The following SLC12A2 variants were observed in gnomAD, a reference collection of about 807,000 sequenced individuals.
SLC12A2 encodes the protein solute carrier family 12 member 2.
In SLC12A2, 67 loss-of-function variants were observed where a neutral mutation model predicts 136.3. The ratio of observed to expected loss-of-function variants is 0.49; its 90% CI spans 0.40 to 0.60. SLC12A2 has a LOEUF of 0.60. SLC12A2 is among the 20% of genes least tolerant of loss of function. SLC12A2 has a pLI of 0.00. For synonymous variants in SLC12A2, 619 were observed against 562.9 expected (o/e 1.10, Z -1.41); for missense variants, 1,322 against 1,534.7 (o/e 0.86, Z 2.32).
At chr5:128,104,500 C>T (rs1378091839) in intron 1 of SLC12A2, among the ~76,000 whole-genome samples, 1 of 151,938 alleles carries the variant, frequency 6.6e-6, no homozygotes, top group East Asian at 1.9e-4. Flanking sequence ...GACGTGGTGG[C>T]AGGCACCTGT....
At chr5:128,119,158 G>T (rs916986032) in intron 4 of SLC12A2, among the ~76,000 whole-genome samples, 4 of 152,056 alleles carry the variant, frequency 2.6e-5, no homozygotes, top group Non-Finnish European at 5.9e-5. Context: ...TACTTAGAGA[G>T]GACGGTAATA....
At chr5:128,124,172 A>G (rs954719154) in intron 4 of SLC12A2, among the ~76,000 whole-genome samples, 5 of 152,212 alleles carry the variant, frequency 3.3e-5, no homozygotes, top group African/African-American at 1.2e-4. Flanking sequence ...AGTTCTGCAC[A>G]TTAGGTAATA....
At chr5:128,156,961 T>A (rs1762888915) in intron 15 of SLC12A2, among the ~76,000 whole-genome samples, 1 of 152,128 alleles carries the variant, frequency 6.6e-6, no homozygotes. Flanking sequence ...AAGGAGTTAA[T>A]GTAACTTGCT....
At chr5:128,128,587 A>G (rs897888719) in intron 4 of SLC12A2, among the ~76,000 whole-genome samples, 2 of 151,996 alleles carry the variant, frequency 1.3e-5, no homozygotes, top group African/African-American at 4.8e-5. Context: ...AGTCAAGGAG[A>G]CCTGAGTTTA....
At chr5:128,144,305 C>T (rs565185211) in intron 10 of SLC12A2, among the ~76,000 whole-genome samples, 45 of 152,152 alleles carry the variant, frequency 3.0e-4, no homozygotes, top group African/African-American at 7.9e-4. Flanking sequence ...CTTTGTAAAG[C>T]GATACAACAT....
chr5:128,112,923 A>G lies in SLC12A2; in HGVS notation c.866A>G (p.Lys289Arg), dbSNP rs982359498. 2 of 1,610,084 alleles carry G rather than the reference A, an allele frequency of 1.2e-6. No homozygotes were observed. Among genetic ancestry groups the G allele is most frequent in the African/African-American group, 2.7e-5 (2 of 74,796 alleles). The change falls in exon 2 of 27, where the codon AAG (lysine) becomes AGG (arginine). Residue 289 changes from lysine to arginine, a missense_variant. Coordinates refer to ENST00000262461, the MANE Select transcript of SLC12A2 (RefSeq NM_001046.3). ...SKGVVKFGWI[K>R]GVLVRCMLNI... ...GGAGTCGTGAAGTTTGGCTGGATCA[A>G]GGGTGTATTAGTATGTATATATAGA...
Position 128,174,631 on chromosome 5 carries a change from C to A in SLC12A2, c.2894C>A (p.Ser965Tyr), listed in dbSNP as rs529490835. ...EYSKKSDLDTSKPLSEKPITH... is the reference protein window; with the variant it reads ...EYSKKSDLDTYKPLSEKPITH... ...AGTAAAAAGTCCGATTTAGATACTT[C>A]CAAACCACTCAGTGAAAAACCAATT... is the stretch of plus-strand genomic sequence containing the variant. Residue 965 changes from serine to tyrosine, a missense_variant, in exon 20 of 27, where the codon TCC becomes TAC. Ser to Tyr is a moderately radical substitution (Grantham distance 144). Around this residue, in one of 8 missense-constraint regions of SLC12A2, gnomAD observed 226 missense variants for 210.4 expected, o/e 1.07. Coordinates refer to ENST00000262461, the MANE Select transcript of SLC12A2 (RefSeq NM_001046.3). 3.5e-5 allele frequency: 56 copies of A among 1,605,732 alleles called. No homozygotes were observed. The South Asian group carries it at 6.1e-4, about 17-fold the overall frequency.
chr5:128,134,638 G>A (rs1353596913), intron 6 of SLC12A2, among the ~76,000 whole-genome samples: 2 of 152,052 alleles, frequency 1.3e-5, no homozygotes, highest in South Asian at 2.1e-4. Flanking sequence ...GTAAATAAAA[G>A]TTATTGCCCA....
intron 21 of SLC12A2, 123 bp from the exon 22 acceptor site, chr5:128,178,444 A>C: frequency 1.7e-6 from 1 of 581,154 alleles, no homozygotes; most frequent in Non-Finnish European, 2.8e-6. Context: ...GCCGTATACA[A>C]TTGTCTGAAT....
intron 9 of SLC12A2, 114 bp downstream of exon 9, chr5:128,139,022 A>G: frequency 2.7e-6 from 2 of 739,252 alleles, no homozygotes; most frequent in African/African-American, 1.8e-5. Flanking sequence ...ATTTCAATAA[A>G]AAGACATGGA....
chr5:128,126,541 A>G (rs1378718563), intron 4 of SLC12A2, among the ~76,000 whole-genome samples: 3 of 152,182 alleles, frequency 2.0e-5, no homozygotes, highest in African/African-American at 7.2e-5. Context: ...AAAAGAAAGG[A>G]AATCAGTATA....
intron 19 of SLC12A2, among the ~76,000 whole-genome samples, chr5:128,173,005 A>G (rs1763428950): frequency 6.6e-6 from 1 of 152,078 alleles, no homozygotes; most frequent in Non-Finnish European, 1.5e-5. Flanking sequence ...GAAGATTTTT[A>G]TATCCTTTGA....
At chr5:128,126,071 C>G (rs969638450) in intron 4 of SLC12A2, among the ~76,000 whole-genome samples, 1 of 152,116 alleles carries the variant, frequency 6.6e-6, no homozygotes, top group Non-Finnish European at 1.5e-5. Flanking sequence ...ACAGTAAGTC[C>G]TAAGTCTTCT....
chr5:128,167,934 A>G, intron 18 of SLC12A2, 67 bp downstream of exon 18: 1 of 896,914 alleles, frequency 1.1e-6, no homozygotes. Context: ...GCTTGTCCTA[A>G]TTTTTGGAGA....
intron 19 of SLC12A2, among the ~76,000 whole-genome samples, chr5:128,172,101 A>G (rs960520861): frequency 1.3e-5 from 2 of 152,238 alleles, no homozygotes; most frequent in African/African-American, 2.4e-5. Flanking sequence ...AGACATTTTC[A>G]TATTTATGAA....
chr5:128,138,962 TATAA>T, intron 9 of SLC12A2, 54 bp downstream of exon 9: 5 of 1,103,170 alleles, frequency 4.5e-6, no homozygotes, highest in Non-Finnish European at 6.8e-6. Context: ...ATGTACGTAC[TATAA>T]ATACTTATTT....
intron 4 of SLC12A2, among the ~76,000 whole-genome samples, chr5:128,129,924 G>A (rs1761953139): frequency 6.6e-6 from 1 of 151,886 alleles, no homozygotes; most frequent in African/African-American, 2.4e-5. Context: ...AAAATAACTT[G>A]CTTCTTGATA....
At chr5:128,155,522 A>G (rs1410436882) in intron 15 of SLC12A2, among the ~76,000 whole-genome samples, 1 of 152,166 alleles carries the variant, frequency 6.6e-6, no homozygotes, top group African/African-American at 2.4e-5. Flanking sequence ...TCTTTGCTAC[A>G]TAGCTTTTTT....
At chr5:128,130,031 C>T (rs952020183) in intron 4 of SLC12A2, among the ~76,000 whole-genome samples, 1 of 146,018 alleles carries the variant, frequency 6.8e-6, no homozygotes, top group African/African-American at 2.6e-5. Context: ...TCTTGTGAGA[C>T]TTTGTTTTTT....
Sources: gnomAD v4.1 joint callset for allele counts (sites outside exome capture counted in the v4.1 genomes callset) on GRCh38, gnomAD v4.1.1 for gene constraint, gnomAD v4.1.1 regional missense constraint, MANE v1.5 for transcripts, NCBI Gene and HGNC (gene_info 2026-07-23, HGNC 2026-07-21) for gene names.